Variants in DOCK4 observed in about 807,000 individuals in gnomAD.
DOCK4 encodes the protein dedicator of cytokinesis 4.
A neutral mutation model predicts 268.1 loss-of-function variants in DOCK4; 97 were observed. The ratio of observed to expected loss-of-function variants is 0.36; its 90% CI spans 0.31 to 0.43. The LOEUF (loss-of-function observed/expected upper bound fraction) is 0.43. DOCK4 is among the 20% of genes least tolerant of loss of function. The pLI, the probability that DOCK4 is intolerant of heterozygous loss-of-function variation, is 1.00. For synonymous variants in DOCK4, 954 were observed against 887.2 expected (o/e 1.08, Z -1.34); for missense variants, 2,145 against 2,455.7 (o/e 0.87, Z 2.67).
intron 1 of DOCK4, among the ~76,000 whole-genome samples, chr7:112,141,609 C>T (rs1215043055): frequency 2.6e-5 from 4 of 152,280 alleles, no homozygotes; most frequent in Admixed American, 6.5e-5. Flanking sequence ...TAGATACATA[C>T]ATAAAATCTC....
intron 11 of DOCK4, among the ~76,000 whole-genome samples, chr7:111,936,531 C>CGGATGGATGGAT (rs1052443672): frequency 7.3e-6 from 1 of 137,142 alleles, no homozygotes; most frequent in Non-Finnish European, 1.6e-5. Context: ...GATGGATGGA[C>CGGATGGATGGAT]GGATGGATGG....
At chr7:112,011,602 C>T (rs1321810994) in intron 1 of DOCK4, among the ~76,000 whole-genome samples, 1 of 151,528 alleles carries the variant, frequency 6.6e-6, no homozygotes, top group Non-Finnish European at 1.5e-5. Flanking sequence ...AATTTTTCCA[C>T]ATTCAGATTT....
rs78077317 is a variant in DOCK4 at position 112,117,177 on chromosome 7, C to T, written c.37+88925G>A. On this transcript the variant is annotated intron_variant, in intron 1 of 52. Transcript: ENST00000428084. Reference sequence around the variant, plus strand: ...TGGTGTTAACAGCCTTCCTGGGAGTCCCATAGCTTTGCTCCCACCTTTTCA... The same window carrying T: ...TGGTGTTAACAGCCTTCCTGGGAGTTCCATAGCTTTGCTCCCACCTTTTCA... 2.5e-3 allele frequency among the ~76,000 whole-genome samples: 386 copies of T among 152,262 alleles called. 4 individuals are homozygous for T. Among genetic ancestry groups the T allele is most frequent in the African/African-American group, 8.8e-3 (364 of 41,540 alleles).
intron 30 of DOCK4, among the ~76,000 whole-genome samples, chr7:111,802,703 T>C (rs1281681493): frequency 6.6e-6 from 1 of 152,206 alleles, no homozygotes; most frequent in Non-Finnish European, 1.5e-5. Context: ...TCTCTTCCAC[T>C]TATGATATTT....
At chr7:111,766,571 T>C (rs73432092) in intron 38 of DOCK4, among the ~76,000 whole-genome samples, 12,074 of 152,220 alleles carry the variant, frequency 0.079, 1,533 homozygotes, top group African/African-American at 0.27. Flanking sequence ...ACTGAAACGT[T>C]GATCTAAGTC....
In DOCK4 at chr7:111,797,764, C is replaced by CTCTAAA. The variant is rs1273540189; in HGVS notation, c.3167-7160_3167-7159insTTTAGA. ...ATTACTCTAAACTGTCTATAATAGA[C>CTCTAAA]CAAAAGACAGATAAGAATCCTGTAG... On this transcript the variant is annotated intron_variant, in intron 30 of 52. Coordinates refer to ENST00000428084, the MANE Select transcript of DOCK4 (RefSeq NM_001363540.2). Among the ~76,000 whole-genome samples the CTCTAAA allele has an allele frequency of 3.9e-5, 6 of 152,158 alleles. No homozygotes were observed. The East Asian group carries it at 9.7e-4, about 25-fold the overall frequency.
intron 47 of DOCK4, 65 bp downstream of exon 47, chr7:111,741,029 C>G (rs1282716064): frequency 6.3e-7 from 1 of 1,591,880 alleles, no homozygotes; most frequent in Non-Finnish European, 8.6e-7. Flanking sequence ...GCAGAATGAA[C>G]AGAAACACTC....
At chr7:112,141,405 T>C (rs1438416268) in intron 1 of DOCK4, among the ~76,000 whole-genome samples, 2 of 152,190 alleles carry the variant, frequency 1.3e-5, no homozygotes, top group Non-Finnish European at 2.9e-5. Context: ...AGGTATTCTA[T>C]AGATGTGATT....
chr7:111,872,695 C>T, intron 17 of DOCK4, 131 bp from the exon 18 acceptor site: 1 of 657,334 alleles, frequency 1.5e-6, no homozygotes. Flanking sequence ...GTTGCAGGCT[C>T]CCACAAACTA....
At chr7:112,174,934 T>C in intron 1 of DOCK4, among the ~76,000 whole-genome samples, 1 of 145,752 alleles carries the variant, frequency 6.9e-6, no homozygotes, top group Admixed American at 7.3e-5. Flanking sequence ...GTGTTTCCCC[T>C]GGAACTTTTT....
chr7:112,044,368 A>G (rs1156664732), intron 1 of DOCK4, among the ~76,000 whole-genome samples: 1 of 152,122 alleles, frequency 6.6e-6, no homozygotes, highest in Non-Finnish European at 1.5e-5. Flanking sequence ...GTCCTTGGGC[A>G]CCTCATTCTA....
chr7:112,113,486 A>G (rs1811848859), intron 1 of DOCK4, among the ~76,000 whole-genome samples: 1 of 152,188 alleles, frequency 6.6e-6, no homozygotes, highest in African/African-American at 2.4e-5. Flanking sequence ...ATCTTACTCC[A>G]TAAAAGTCTC....
chr7:112,043,431 A>T (rs1475688249), intron 1 of DOCK4, among the ~76,000 whole-genome samples: 1 of 152,222 alleles, frequency 6.6e-6, no homozygotes, highest in Non-Finnish European at 1.5e-5. Context: ...ATAAACACAC[A>T]ACAATGAGAT....
intron 6 of DOCK4, among the ~76,000 whole-genome samples, chr7:111,985,802 T>G (rs1163636865): frequency 6.6e-6 from 1 of 152,214 alleles, no homozygotes; most frequent in Non-Finnish European, 1.5e-5. Flanking sequence ...ATGTTCCCCC[T>G]TGCTACATCT....
chr7:111,909,002 A>G (rs963737680), intron 13 of DOCK4, among the ~76,000 whole-genome samples: 1 of 152,054 alleles, frequency 6.6e-6, no homozygotes, highest in African/African-American at 2.4e-5. Context: ...ATGTGTGCAT[A>G]TATTTATAAT....
At chr7:111,740,163 G>T (rs1316113039) in intron 47 of DOCK4, 6 of 411,578 alleles carry the variant, frequency 1.5e-5, no homozygotes, top group Non-Finnish European at 2.9e-5. Context: ...GCAGTGACAT[G>T]CTCTCGGCTC....
At chr7:112,200,822 G>C (rs773701624) in intron 1 of DOCK4, among the ~76,000 whole-genome samples, 1 of 151,010 alleles carries the variant, frequency 6.6e-6, no homozygotes, top group African/African-American at 2.4e-5. Flanking sequence ...TTAGGGGAAT[G>C]ACCAAAAGAG....
At chr7:111,803,753 G>A (rs142201976) in intron 30 of DOCK4, among the ~76,000 whole-genome samples, 66 of 152,196 alleles carry the variant, frequency 4.3e-4, no homozygotes, top group African/African-American at 1.5e-3. Context: ...CCTCTGCCAC[G>A]GCTCTTGATA....
At chr7:111,862,412 ATTG>A (rs1226927858) in intron 23 of DOCK4, among the ~76,000 whole-genome samples, 1 of 151,436 alleles carries the variant, frequency 6.6e-6, no homozygotes, top group East Asian at 1.9e-4. Flanking sequence ...TATGTAAAAA[ATTG>A]TTTACTATAT....
Sources: allele counts gnomAD v4.1 joint callset (sites outside exome capture counted in the v4.1 genomes callset), GRCh38; gene constraint gnomAD v4.1.1; transcripts MANE v1.5; gene names NCBI Gene and HGNC (gene_info 2026-07-23, HGNC 2026-07-21).